HNRNPL: variants seen among roughly 807,000 people sequenced by gnomAD.
The protein encoded by HNRNPL is heterogeneous nuclear ribonucleoprotein L, also known as epididymis secretory sperm binding protein.
A neutral mutation model predicts 64.0 loss-of-function variants in HNRNPL; 12 were observed. That is an observed-to-expected ratio of 0.19 (90% CI 0.12 to 0.30). HNRNPL has a LOEUF of 0.30. Among genes scored for constraint, HNRNPL ranks in the 10% least tolerant of loss-of-function variants. The pLI, the probability that HNRNPL is intolerant of heterozygous loss-of-function variation, is 1.00. For missense variants in HNRNPL, 484 were observed against 797.4 expected, an observed-to-expected ratio of 0.61 and a Z score of 4.73; for synonymous variants, 385 against 313.0, an observed-to-expected ratio of 1.23 and a Z score of -2.43.
At chr19:38,851,234 CG>C (rs748508464), upstream of HNRNPL, 1 of 152,364 alleles carries the variant, frequency 6.6e-6, no homozygotes, top group Non-Finnish European at 1.5e-5. Flanking sequence ...TCCTCAAGGG[CG>C]GGGTAAGACC....
upstream of HNRNPL, chr19:38,850,203 C>T (rs907751161): frequency 1.2e-5 from 5 of 409,072 alleles, no homozygotes; most frequent in East Asian, 1.8e-4. Context: ...GTCGACCCCG[C>T]CGCCTTAAAA....
At chr19:38,844,133 CAGG>C in intron 4 of HNRNPL, 29 bp from the exon 5 acceptor site, 2 of 1,476,656 alleles carry the variant, frequency 1.4e-6, no homozygotes, top group African/African-American at 1.4e-5. Context: ...AGTCCCATCA[CAGG>C]AGATCTTTGA....
chr19:38,837,089 G>A (rs1373876746), intron 12 of HNRNPL: 2 of 550,924 alleles, frequency 3.6e-6, no homozygotes, highest in Non-Finnish European at 6.5e-6. Context: ...CTAGGTAACA[G>A]AGTGGCTTTC....
At position 38,849,930 on chromosome 19, in the gene HNRNPL, G is replaced by T; in HGVS notation, c.37C>A (p.Arg13Ser). 7.4e-7 allele frequency: 1 copy of T among 1,355,786 alleles called. No individual in the cohort carries two copies. Among genetic ancestry groups the T allele is most frequent in the Non-Finnish European group, 9.8e-7 (1 of 1,016,868 alleles). 84.0% of individuals were successfully genotyped at this position (1,355,786 alleles called of 1,614,324 possible). A position where few individuals can be genotyped will look rare whatever the true frequency, so the allele number is the denominator to read the frequency against. ...TGCTGCCTCTGCTCCAGCCGCCGAC[G>T]CCGCTTCTCCGCCCGGGGCAGCAGC... ...RRLLPRAEKRRRRLEQRQQPD... is the reference protein window; with the variant it reads ...RRLLPRAEKRSRRLEQRQQPD... The change falls in exon 1 of 13, where the codon CGT becomes AGT. Residue 13 changes from arginine to serine, a missense_variant. Transcript: ENST00000221419.
upstream of HNRNPL, among the ~76,000 whole-genome samples, chr19:38,851,452 A>T (rs1568378256): frequency 1.3e-5 from 2 of 152,206 alleles, no homozygotes; most frequent in Non-Finnish European, 2.9e-5. Flanking sequence ...ACCTTAGCGA[A>T]GCTATTGGCA....
chr19:38,844,134 A>G (rs1406262697), intron 4 of HNRNPL, 30 bp from the exon 5 acceptor site: 1 of 1,472,614 alleles, frequency 6.8e-7, no homozygotes, highest in East Asian at 2.3e-5. Context: ...GTCCCATCAC[A>G]GGAGATCTTT....
chr19:38,842,519 G>C (rs888161142), intron 6 of HNRNPL, among the ~76,000 whole-genome samples: 1 of 152,056 alleles, frequency 6.6e-6, no homozygotes. Flanking sequence ...GCTTGTAGCT[G>C]TTCCTTGGAG....
rs766848522 is a variant in HNRNPL at position 38,837,373 on chromosome 19, C to T, written c.1711+11G>A. 6.2e-7 allele frequency: 1 copy of T among 1,608,418 alleles called. No individual in the cohort carries two copies. The highest frequency in any genetic ancestry group is 8.5e-7 in the Non-Finnish European group (1 of 1,174,922). ...ACCAGGTTGATGCCTGCAGGACACACAGATACTCACTTGGGTTTTTCATCT... is the reference window on the plus strand; with the variant it reads ...ACCAGGTTGATGCCTGCAGGACACATAGATACTCACTTGGGTTTTTCATCT... On this transcript the variant is annotated intron_variant, in intron 12 of 12. Coordinates refer to ENST00000221419, the MANE Select transcript of HNRNPL (RefSeq NM_001533.3).
At chr19:38,845,509 G>T in intron 4 of HNRNPL, 141 bp downstream of exon 4, 1 of 697,740 alleles carries the variant, frequency 1.4e-6, no homozygotes, top group African/African-American at 1.8e-5. Flanking sequence ...TCCCTACTCA[G>T]TCACTGGGCT....
At chr19:38,837,023 C>T in intron 12 of HNRNPL, 1 of 545,302 alleles carries the variant, frequency 1.8e-6, no homozygotes, top group South Asian at 2.5e-5. Context: ...AGGCAATGGG[C>T]CTCTCCCAGC....
At chr19:38,850,238 T>C, upstream of HNRNPL, 1 of 379,636 alleles carries the variant, frequency 2.6e-6, no homozygotes, top group Non-Finnish European at 4.7e-6. Context: ...ATAGGTCGGA[T>C]TTCTGGCGCT....
At chr19:38,843,791 C>T (rs112519570) in intron 6 of HNRNPL, 51 bp downstream of exon 6, 20 of 1,457,470 alleles carry the variant, frequency 1.4e-5, no homozygotes, top group South Asian at 9.2e-5. Context: ...GTGCACTAGT[C>T]GAGTGAAAGC....
At chr19:38,839,073 G>A in intron 8 of HNRNPL, 58 bp from the exon 9 acceptor site, 2 of 1,601,592 alleles carry the variant, frequency 1.2e-6, no homozygotes, top group Non-Finnish European at 1.7e-6. Context: ...CCCCTCTCCT[G>A]CCCCTCCCAA....
upstream of HNRNPL, chr19:38,850,260 TA>T (rs1409959327): frequency 8.6e-6 from 3 of 348,240 alleles, no homozygotes; most frequent in Admixed American, 4.8e-5. Context: ...CTGGCCTCCC[TA>T]AAAGCACCTG....
At chr19:38,840,452 C>T in intron 7 of HNRNPL, 36 bp downstream of exon 7, 1 of 1,567,196 alleles carries the variant, frequency 6.4e-7, no homozygotes, top group South Asian at 1.2e-5. Context: ...GCACATGAGC[C>T]ACGGGAGTCC....
chr19:38,839,449 G>T (rs1483801790), intron 8 of HNRNPL: 2 of 180,322 alleles, frequency 1.1e-5, no homozygotes, highest in South Asian at 1.1e-4. Context: ...TCACATAAAG[G>T]CTATGTGAAC....
chr19:38,851,757 C>G (rs1416723453), upstream of HNRNPL, among the ~76,000 whole-genome samples: 2 of 152,156 alleles, frequency 1.3e-5, no homozygotes, highest in Non-Finnish European at 2.9e-5. Context: ...GAGCGAGACC[C>G]TATCAGAAAA....
Position 38,847,427 on chromosome 19 carries a change from T to C in HNRNPL, c.275A>G (p.Tyr92Cys). The C allele has an allele frequency of 2.0e-6, 3 of 1,511,796 alleles. No homozygotes were observed. The highest frequency in any genetic ancestry group is 2.7e-6 in the Non-Finnish European group (3 of 1,128,866). The allele number at this position is 1,511,796 out of a possible 1,614,324, so 93.6% of individuals were successfully genotyped here. Reference protein sequence around the residue: ...AAGGGGGGENYDDPHKTPASP... With the variant: ...AAGGGGGGENCDDPHKTPASP... ...GGCAGGGGTTTTGTGCGGGTCATCG[T>C]AGTTCTCCTGAGAAAGGAAGCAAAA... is the stretch of plus-strand genomic sequence containing the variant. The change falls in exon 2 of 13, where the codon TAC becomes TGC. Residue 92 changes from tyrosine (Y) to cysteine (C), a missense_variant. Around this residue, in one of 9 missense-constraint regions of HNRNPL, gnomAD observed 190 missense variants for 160.1 expected, o/e 1.19. Coordinates refer to ENST00000221419, the MANE Select transcript of HNRNPL (RefSeq NM_001533.3).
Position 38,840,331 on chromosome 19 carries a change from T to C in HNRNPL, c.998A>G (p.Tyr333Cys). 6.5e-7 allele frequency: 1 copy of C among 1,546,034 alleles called. No individual in the cohort carries two copies. Among genetic ancestry groups the C allele is most frequent in the Non-Finnish European group, 8.8e-7 (1 of 1,142,038 alleles). The change falls in exon 8 of 13, where the codon TAC becomes TGC. Residue 333 changes from tyrosine (Y) to cysteine (C), a missense_variant. Tyr to Cys is a radical substitution (Grantham distance 194, BLOSUM62 -2). Transcript: ENST00000221419. ...TTCGTAGTGAGGTGGGGGGGGCCCG[T>C]AGCCCTCATCATGGTAATGGCTGTG... Reference protein sequence around the residue: ...GYHSHYHDEGYGPPPPHYEGR... With the variant: ...GYHSHYHDEGCGPPPPHYEGR...
Sources: gnomAD v4.1 joint callset for allele counts (sites outside exome capture counted in the v4.1 genomes callset) on GRCh38, gnomAD v4.1.1 for gene constraint, gnomAD v4.1.1 regional missense constraint, MANE v1.5 for transcripts, NCBI Gene and HGNC (gene_info 2026-07-23, HGNC 2026-07-21) for gene names.